ITGA2: variants seen among roughly 807,000 people sequenced by gnomAD.
ITGA2 encodes integrin alpha-2.
A neutral mutation model predicts 146.3 loss-of-function variants in ITGA2; 101 were observed. The observed-to-expected ratio is 0.69, with a 90% CI of 0.59 to 0.81. The LOEUF is 0.81. ITGA2 is among the 40% of genes least tolerant of loss of function. The probability of loss-of-function intolerance (pLI) is 0.00; values close to 1 mark genes in which losing one functional copy is unlikely to be tolerated. For synonymous variants in ITGA2, 477 were observed against 487.1 expected, an observed-to-expected ratio of 0.98 and a Z score of 0.27; for missense variants, 1,281 against 1,402.7, an observed-to-expected ratio of 0.91 and a Z score of 1.39.
intron 1 of ITGA2, among the ~76,000 whole-genome samples, chr5:53,007,397 T>C (rs1413577115): frequency 6.6e-6 from 1 of 152,138 alleles, no homozygotes; most frequent in Non-Finnish European, 1.5e-5. Context: ...TTTTTCCATA[T>C]ATTGCCTCAA....
chr5:53,070,506 T>A (rs3212568), intron 17 of ITGA2, among the ~76,000 whole-genome samples: 12 of 151,990 alleles, frequency 7.9e-5, no homozygotes, highest in Non-Finnish European at 1.5e-4. Flanking sequence ...AATACAATTC[T>A]TAAAGAAATC....
intron 19 of ITGA2, 49 bp downstream of exon 19, chr5:53,072,744 A>C: frequency 7.3e-7 from 1 of 1,370,446 alleles, no homozygotes; most frequent in South Asian, 1.2e-5. Context: ...TAAAAGACAT[A>C]CTAGATTACT....
chr5:53,084,057 G>A (rs138358667), intron 27 of ITGA2, among the ~76,000 whole-genome samples: 8 of 152,236 alleles, frequency 5.3e-5, no homozygotes, highest in African/African-American at 1.9e-4. Flanking sequence ...CCAAAACAAT[G>A]TCATTGTTTT....
At chr5:53,089,282 T>C (rs1398176149) in intron 28 of ITGA2, 1 of 152,088 alleles carries the variant, frequency 6.6e-6, no homozygotes, top group Non-Finnish European at 1.5e-5. Flanking sequence ...TTTCCCCAAT[T>C]AATTAAATTT....
intron 1 of ITGA2, among the ~76,000 whole-genome samples, chr5:53,008,738 G>C (rs1741978612): frequency 6.6e-6 from 1 of 152,014 alleles, no homozygotes; most frequent in Admixed American, 6.6e-5. Context: ...AGATTTCCGT[G>C]AACTCCCAGG....
In ITGA2 at chr5:53,093,166, A is replaced by G; in HGVS notation, c.*2567A>G. 1 of 152,210 alleles carries G rather than the reference A, an allele frequency of 6.6e-6. No individual in the cohort carries two copies. The highest frequency in any genetic ancestry group is 1.9e-4 in the East Asian group (1 of 5,186). 9.4% of individuals were successfully genotyped at this position (152,210 alleles called of 1,614,324 possible). ...GTAAATACTAGCTTTTCAATGTGCT[A>G]TACAAACAATTATAGCACATCCTTC... On this transcript the variant is annotated 3_prime_UTR_variant, in exon 30 of 30. Coordinates refer to ENST00000296585, the MANE Select transcript of ITGA2 (RefSeq NM_002203.4).
chr5:52,991,304 T>TC (rs1426437484), intron 1 of ITGA2, among the ~76,000 whole-genome samples: 2 of 152,210 alleles, frequency 1.3e-5, no homozygotes, highest in Non-Finnish European at 2.9e-5. Flanking sequence ...CATCGTTTTT[T>TC]GGTACCATGA....
At chr5:53,012,349 G>A (rs1488639583) in intron 1 of ITGA2, among the ~76,000 whole-genome samples, 2 of 152,060 alleles carry the variant, frequency 1.3e-5, no homozygotes, top group African/African-American at 2.4e-5. Context: ...TCCAAATGGT[G>A]GCTTGGATTG....
At chr5:52,996,037 A>G (rs2111668121) in intron 1 of ITGA2, among the ~76,000 whole-genome samples, 1 of 152,272 alleles carries the variant, frequency 6.6e-6, no homozygotes, top group East Asian at 1.9e-4. Flanking sequence ...GTCTACATGG[A>G]GTGAAAAAAG....
chr5:52,996,698 A>G (rs1741275169), intron 1 of ITGA2, among the ~76,000 whole-genome samples: 1 of 152,214 alleles, frequency 6.6e-6, no homozygotes, highest in African/African-American at 2.4e-5. Context: ...AGGGCATGTA[A>G]TATATAACAC....
intron 16 of ITGA2, among the ~76,000 whole-genome samples, chr5:53,069,706 G>T (rs1441308252): frequency 6.6e-6 from 1 of 151,796 alleles, no homozygotes; most frequent in Non-Finnish European, 1.5e-5. Context: ...AACTTGTATG[G>T]CATACATGAG....
intron 11 of ITGA2, 46 bp from the exon 12 acceptor site, chr5:53,060,855 G>C (rs1744870952): frequency 6.3e-7 from 1 of 1,582,236 alleles, no homozygotes; most frequent in African/African-American, 1.4e-5. Flanking sequence ...ACTTTATTTT[G>C]CTCAGATAGT....
intron 1 of ITGA2, among the ~76,000 whole-genome samples, chr5:53,023,001 T>G (rs1742764057): frequency 6.6e-6 from 1 of 152,194 alleles, no homozygotes. Flanking sequence ...GGTGTAAGCT[T>G]TCGTGAGATT....
At chr5:52,999,216 C>T (rs572123791) in intron 1 of ITGA2, among the ~76,000 whole-genome samples, 3 of 152,242 alleles carry the variant, frequency 2.0e-5, no homozygotes, top group African/African-American at 7.2e-5. Flanking sequence ...AGATTACCTT[C>T]TGTCCTATTT....
chr5:53,039,634 G>A (rs1380240862), intron 2 of ITGA2, among the ~76,000 whole-genome samples: 1 of 150,860 alleles, frequency 6.6e-6, no homozygotes, highest in Non-Finnish European at 1.5e-5. Flanking sequence ...TAGCTACTTG[G>A]GAGGCTGAGG....
chr5:53,039,598 G>A (rs1211753774), intron 2 of ITGA2, among the ~76,000 whole-genome samples: 1 of 151,810 alleles, frequency 6.6e-6, no homozygotes, highest in Non-Finnish European at 1.5e-5. Flanking sequence ...AAATTAGCCA[G>A]GTGTGGTGGC....
chr5:53,015,666 C>G (rs953914862), intron 1 of ITGA2, among the ~76,000 whole-genome samples: 1 of 152,138 alleles, frequency 6.6e-6, no homozygotes, highest in South Asian at 2.1e-4. Flanking sequence ...CCTCAATGAT[C>G]TGTCTAATAC....
Position 53,093,510 on chromosome 5 carries a change from G to C in ITGA2, c.*2911G>C, listed in dbSNP as rs907824407. On this transcript the variant is annotated 3_prime_UTR_variant, in exon 30 of 30. Coordinates refer to ENST00000296585, the MANE Select transcript of ITGA2 (RefSeq NM_002203.4). ...TGTTTAGCAGCATTCCTGGCCTCTA[G>C]CTACCCGATGCCAGAGCATGCTCCC... 2.3e-5 allele frequency: 3 copies of C among 131,880 alleles called. No individual in the cohort carries two copies. Among genetic ancestry groups the C allele is most frequent in the African/African-American group, 8.6e-5 (3 of 34,956 alleles). 8.2% of individuals were successfully genotyped at this position (131,880 alleles called of 1,614,324 possible).
At chr5:53,030,746 C>A (rs905469443) in intron 2 of ITGA2, among the ~76,000 whole-genome samples, 5 of 152,226 alleles carry the variant, frequency 3.3e-5, no homozygotes, top group African/African-American at 1.2e-4. Context: ...GATTTATATG[C>A]AGAATAGGCA....
Sources: allele counts gnomAD v4.1 joint callset (sites outside exome capture counted in the v4.1 genomes callset), GRCh38; gene constraint gnomAD v4.1.1; transcripts MANE v1.5; gene names NCBI Gene and HGNC (gene_info 2026-07-23, HGNC 2026-07-21).